Variants in IFI44 observed in about 807,000 individuals in gnomAD.
IFI44 encodes interferon-induced protein 44.
Under a neutral mutation model 45.0 loss-of-function variants are expected in IFI44, and 42 were observed. That is an observed-to-expected ratio of 0.93 (90% confidence interval 0.73 to 1.21). The LOEUF (loss-of-function observed/expected upper bound fraction) is 1.21, where lower values mean the gene tolerates loss of function less well. Among genes scored for constraint, IFI44 ranks in the 50% most tolerant of loss-of-function variants. The probability of loss-of-function intolerance (pLI) is 0.00; values close to 1 mark genes in which losing one functional copy is unlikely to be tolerated. For missense variants in IFI44, 623 were observed against 525.8 expected (o/e 1.18, Z -1.81); for synonymous variants, 221 against 188.6 (o/e 1.17, Z -1.41).
At chr1:78,654,155 C>G (rs1175912953) in intron 2 of IFI44, 88 bp from the exon 3 acceptor site, 1 of 786,122 alleles carries the variant, frequency 1.3e-6, no homozygotes, top group African/African-American at 1.7e-5. Flanking sequence ...TTGTATTTGT[C>G]CCTAGTGAAT....
chr1:78,660,042 A>G (rs1647361645), intron 6 of IFI44, among the ~76,000 whole-genome samples: 1 of 152,184 alleles, frequency 6.6e-6, no homozygotes, highest in Non-Finnish European at 1.5e-5. Context: ...GTTTTGAAGC[A>G]GAGAGTGATC....
rs947015012 is a variant in IFI44, at chr1:78,663,176, C to A, written c.1288+298C>A. On this transcript the variant is annotated intron_variant, in intron 8 of 8. Transcript: ENST00000370747. ...TGAACATCCCAAGCTGTATCCCTGG[C>A]CTCTTTTCTCAGACTATGTTTCTTT... 1.4e-5 allele frequency: 14 copies of A among 985,090 alleles called. No individual in the cohort carries two copies. The Admixed American group carries it at 3.1e-4, about 22-fold the overall frequency. The allele number at this position is 985,090 out of a possible 1,614,324, so 61.0% of individuals were successfully genotyped here.
In IFI44 at chr1:78,655,081, C is replaced by A; in HGVS notation, c.562C>A (p.Arg188=). ...ATATGGATCCCTGGTTCAACAAATA[C>A]GAATTCTGCTGCTGGGTCCAATTGG... ...EPYGSLVQQI[R]ILLLGPIGAG... is the part of the protein sequence containing the mutation. The change falls in exon 4 of 9, where the codon CGA becomes AGA. Residue 188 remains arginine (R), a synonymous_variant. Coordinates refer to ENST00000370747, the MANE Select transcript of IFI44 (RefSeq NM_006417.5). The A allele has an allele frequency of 6.2e-7, 1 of 1,613,854 alleles. No homozygotes were observed. Among genetic ancestry groups the A allele is most frequent in the Non-Finnish European group, 8.5e-7 (1 of 1,179,832 alleles).
chr1:78,655,141 T>A lies in IFI44; in HGVS notation c.622T>A (p.Ser208Thr), dbSNP rs752265835. 1.2e-6 allele frequency: 2 copies of A among 1,613,898 alleles called. No individual in the cohort carries two copies. Among genetic ancestry groups the A allele is most frequent in the South Asian group, 2.2e-5 (2 of 91,078 alleles). The change falls in exon 4 of 9, where the codon TCT becomes ACT. Residue 208 changes from serine to threonine, a missense_variant. Coordinates refer to ENST00000370747, the MANE Select transcript of IFI44 (RefSeq NM_006417.5). ...GKSSFFNSVR[S>T]VFQGHVTHQA... ...GTCCAGCTTTTTCAACTCAGTGAGG[T>A]CTGTTTTCCAAGGGCATGTAACGCA...
At chr1:78,658,044 T>C (rs1035633927) in intron 5 of IFI44, among the ~76,000 whole-genome samples, 2 of 152,084 alleles carry the variant, frequency 1.3e-5, no homozygotes, top group African/African-American at 4.8e-5. Context: ...TTTCTTGACT[T>C]TCTCAGTGAG....
intron 2 of IFI44, among the ~76,000 whole-genome samples, chr1:78,652,659 C>A (rs1647143283): frequency 6.6e-6 from 1 of 152,180 alleles, no homozygotes; most frequent in African/African-American, 2.4e-5. Context: ...TAGTTTGTTC[C>A]TTTTCATTCA....
Position 78,660,615 on chromosome 1 carries a change from C to T in IFI44, c.1074C>T (p.Asp358=). 6 of 1,613,532 alleles carry T rather than the reference C, an allele frequency of 3.7e-6. No homozygotes were observed. Among genetic ancestry groups the T allele is most frequent in the Non-Finnish European group, 5.1e-6 (6 of 1,179,644 alleles). The change falls in exon 7 of 9, where the codon GAC becomes GAT. Residue 358 remains aspartate (D), a synonymous_variant. Transcript: ENST00000370747. Reference sequence around the variant, plus strand: ...GCATGGATTTGATTACAAAAGGTGACCTTATAGAAATAGAGAGATGTGAGC... The same window carrying T: ...GCATGGATTTGATTACAAAAGGTGATCTTATAGAAATAGAGAGATGTGAGC... ...VDSMDLITKG[D]LIEIERCEPV...
rs1179224675 is a variant in IFI44, at chr1:78,663,852, G to T, written c.*41G>T. 1.9e-6 allele frequency: 3 copies of T among 1,589,714 alleles called. No individual in the cohort carries two copies. The highest frequency in any genetic ancestry group is 1.7e-6 in the Non-Finnish European group (2 of 1,165,746). On this transcript the variant is annotated 3_prime_UTR_variant, in exon 9 of 9. Transcript: ENST00000370747. ...ACGTAAATTTCCTCACATCACAGAA[G>T]ATTAAAATTCAGAAAGGAGAAAACA...
At chr1:78,663,371 G>A (rs1308697475) in intron 8 of IFI44, 3 of 985,166 alleles carry the variant, frequency 3.0e-6, no homozygotes, top group African/African-American at 3.5e-5. Context: ...GCTAGGTAGA[G>A]GTATGTCCTT....
Position 78,655,344 on chromosome 1 carries a change from C to T in IFI44, c.691-18C>T, listed in dbSNP as rs746938655. 3 of 1,576,044 alleles carry T rather than the reference C, an allele frequency of 1.9e-6. No individual in the cohort carries two copies. Among genetic ancestry groups the T allele is most frequent in the East Asian group, 2.2e-5 (1 of 44,574 alleles). On this transcript the variant is annotated intron_variant, in intron 4 of 8. Coordinates refer to ENST00000370747, the MANE Select transcript of IFI44 (RefSeq NM_006417.5). ...AATAAAAAATGAATCTTTAAAATTGCTTTTCTCCCCTCTACAGTATAGGAC... is the reference window on the plus strand; with the variant it reads ...AATAAAAAATGAATCTTTAAAATTGTTTTTCTCCCCTCTACAGTATAGGAC...
Position 78,650,486 on chromosome 1 carries a change from A to G in IFI44, c.291A>G (p.Pro97=), listed in dbSNP as rs754404021. ...ISEWKLGLCT[P]ETLFCCDVTK... Reference sequence around the variant, plus strand: ...AATGGAAACTAGGACTATGTACACCAGAAACACTGTTTTGTTGTGATGTTA... The same window carrying G: ...AATGGAAACTAGGACTATGTACACCGGAAACACTGTTTTGTTGTGATGTTA... The change falls in exon 2 of 9, where the codon CCA becomes CCG. Residue 97 remains proline (P), a synonymous_variant. Transcript: ENST00000370747. 1.9e-6 allele frequency: 3 copies of G among 1,613,972 alleles called. No individual in the cohort carries two copies. The highest frequency in any genetic ancestry group is 1.7e-6 in the Non-Finnish European group (2 of 1,179,944).
At chr1:78,650,696 G>A (rs763400910) in intron 2 of IFI44, 44 bp downstream of exon 2, 1 of 1,284,074 alleles carries the variant, frequency 7.8e-7, no homozygotes. Context: ...TCCCTTGCAT[G>A]TTTGGTAGGT....
At chr1:78,653,904 T>A (rs569711059) in intron 2 of IFI44, among the ~76,000 whole-genome samples, 44 of 152,302 alleles carry the variant, frequency 2.9e-4, no homozygotes, top group African/African-American at 1.1e-3. Flanking sequence ...TATTCCCACA[T>A]CTCTAGGCCT....
In IFI44 at chr1:78,654,226, TTTGA is replaced by T. The variant is rs780962887; in HGVS notation, c.458-14_458-11del. ...CGACAACTTCTAATCTACATTATTC[TTTGA>T]TTATTTCCCCAGATTCACTGGATGA... On this transcript the variant is annotated splice_polypyrimidine_tract_variant and intron_variant, in intron 2 of 8. Coordinates refer to ENST00000370747, the MANE Select transcript of IFI44 (RefSeq NM_006417.5). 1.4e-6 allele frequency: 2 copies of T among 1,402,822 alleles called. No homozygotes were observed. The highest frequency in any genetic ancestry group is 2.0e-6 in the Non-Finnish European group (2 of 990,118). The allele number at this position is 1,402,822 out of a possible 1,614,324, so 86.9% of individuals were successfully genotyped here. A position where few individuals can be genotyped will look rare whatever the true frequency, so the allele number is the denominator to read the frequency against.
intron 7 of IFI44, among the ~76,000 whole-genome samples, chr1:78,661,358 C>T (rs1336069082): frequency 6.6e-6 from 1 of 152,118 alleles, no homozygotes; most frequent in Non-Finnish European, 1.5e-5. Context: ...TCCCTATACC[C>T]AGCCATTTTT....
Position 78,650,516 on chromosome 1 carries a change from A to C in IFI44, c.321A>C (p.Lys107Asn), listed in dbSNP as rs770918219. Residue 107 changes from lysine to asparagine, a missense_variant, in exon 2 of 9, where the codon AAA (lysine) becomes AAC (asparagine). Lys to Asn is a moderately conservative substitution (Grantham distance 94, BLOSUM62 0). Transcript: ENST00000370747. ...CACTGTTTTGTTGTGATGTTACAAA[A>C]TATAACTCCCCAACTAATTTCCAGA... ...PETLFCCDVT[K>N]YNSPTNFQID... 9.3e-6 allele frequency: 15 copies of C among 1,613,806 alleles called. No individual in the cohort carries two copies. The highest frequency in any genetic ancestry group is 1.1e-5 in the Non-Finnish European group (13 of 1,179,794).
chr1:78,659,454 A>G lies in IFI44; in HGVS notation c.983A>G (p.Lys328Arg). 6.2e-7 allele frequency: 1 copy of G among 1,613,134 alleles called. No individual in the cohort carries two copies. Among genetic ancestry groups the G allele is most frequent in the East Asian group, 2.2e-5 (1 of 44,798 alleles). Reference protein sequence around the residue: ...YFSSQMIVKIKRIRRELVNAG... With the variant: ...YFSSQMIVKIRRIRRELVNAG... ...TCCTCTCAGATGATAGTAAAGATCA[A>G]AAGAATTCGAAGGGAGTTGGTAAAC... Residue 328 changes from lysine to arginine, a missense_variant, in exon 6 of 9, where the codon AAA becomes AGA. Lys to Arg is a conservative substitution (Grantham distance 26). Transcript: ENST00000370747.
rs770547411 is a variant in IFI44, at chr1:78,659,303, A to G, written c.841-9A>G. ...TGAATTAATATCTTGCTTTATGTCTACCTTACAGTTTAATCCCATGGAATC... is the reference window on the plus strand; with the variant it reads ...TGAATTAATATCTTGCTTTATGTCTGCCTTACAGTTTAATCCCATGGAATC... On this transcript the variant is annotated splice_polypyrimidine_tract_variant and intron_variant, in intron 5 of 8. Transcript: ENST00000370747. 1.2e-6 allele frequency: 2 copies of G among 1,603,318 alleles called. No homozygotes were observed. The highest frequency in any genetic ancestry group is 1.7e-6 in the Non-Finnish European group (2 of 1,171,082).
intron 8 of IFI44, chr1:78,663,312 T>C: frequency 1.0e-6 from 1 of 985,232 alleles, no homozygotes. Flanking sequence ...TGACTTGCCT[T>C]TTTGTTTCTT....
Sources: gnomAD v4.1 joint callset for allele counts (sites outside exome capture counted in the v4.1 genomes callset) on GRCh38, gnomAD v4.1.1 for gene constraint, MANE v1.5 for transcripts, NCBI Gene and HGNC (gene_info 2026-07-23, HGNC 2026-07-21) for gene names.